Variants in CIMIP1 observed in about 807,000 individuals in gnomAD.
CIMIP1 encodes the protein ciliary microtubule inner protein 1.
the CIMIP1 span, among the ~76,000 whole-genome samples, chr20:58,157,291 T>C: frequency 3.3e-3 from 503 of 152,232 alleles, 5 homozygotes; most frequent in African/African-American, 0.011. Flanking sequence ...GATATTATCA[T>C]CCTCAAACCC....
the CIMIP1 span, among the ~76,000 whole-genome samples, chr20:58,159,042 AT>A: frequency 6.6e-6 from 1 of 152,216 alleles, no homozygotes; most frequent in East Asian, 1.9e-4. Flanking sequence ...CTTATGTCCA[AT>A]TGTTTGCTAT....
the CIMIP1 span, among the ~76,000 whole-genome samples, chr20:58,156,211 A>T: frequency 6.6e-6 from 1 of 152,230 alleles, no homozygotes; most frequent in South Asian, 2.1e-4. Context: ...CCATTTGGAT[A>T]CGCTATGCTA....
At chr20:58,152,748 C>CTGTCACCT in the CIMIP1 span, among the ~76,000 whole-genome samples, 1 of 136,672 alleles carries the variant, frequency 7.3e-6, no homozygotes, top group East Asian at 2.2e-4. Context: ...AAAAAAAAGA[C>CTGTCACCT]TGTCACCTGT....
the CIMIP1 span, among the ~76,000 whole-genome samples, chr20:58,152,722 C>A: frequency 6.1e-4 from 52 of 84,852 alleles, no homozygotes; most frequent in South Asian, 1.9e-3. Flanking sequence ...GAAACTCCAT[C>A]AAAAAAAAAA....
chr20:58,160,839 G>C, the CIMIP1 span: 1 of 1,602,830 alleles, frequency 6.2e-7, no homozygotes, highest in Non-Finnish European at 8.5e-7. Context: ...ACGGAGTTCT[G>C]CCCAGGGGTG....
At chr20:58,153,197 C>A in the CIMIP1 span, among the ~76,000 whole-genome samples, 3 of 152,154 alleles carry the variant, frequency 2.0e-5, no homozygotes, top group Non-Finnish European at 2.9e-5. Context: ...GGAGTGAGTG[C>A]CTCCTCCACT....
At chr20:58,150,915 C>G in the CIMIP1 span, 1 of 1,553,636 alleles carries the variant, frequency 6.4e-7, no homozygotes, top group Non-Finnish European at 8.7e-7. Context: ...AGACGCGAGA[C>G]GCTGAGCCCA....
chr20:58,159,319 C>G, the CIMIP1 span, among the ~76,000 whole-genome samples: 1 of 150,856 alleles, frequency 6.6e-6, no homozygotes, highest in Non-Finnish European at 1.5e-5. Context: ...AGTTCGAGAC[C>G]AGCCTGACCA....
the CIMIP1 span, chr20:58,160,521 T>G: frequency 1.3e-6 from 1 of 764,766 alleles, no homozygotes; most frequent in Non-Finnish European, 2.0e-6. Context: ...TCCAGCTGAT[T>G]GGAATGTGCT....
At chr20:58,152,455 T>G in the CIMIP1 span, among the ~76,000 whole-genome samples, 1 of 151,546 alleles carries the variant, frequency 6.6e-6, no homozygotes, top group Admixed American at 6.6e-5. Context: ...TTTAAGTGAC[T>G]GTCAGCCGGA....
At chr20:58,160,037 C>G in the CIMIP1 span, among the ~76,000 whole-genome samples, 1 of 152,198 alleles carries the variant, frequency 6.6e-6, no homozygotes, top group Non-Finnish European at 1.5e-5. Context: ...TGTTCAAATC[C>G]CCTTATGCAG....
the CIMIP1 span, among the ~76,000 whole-genome samples, chr20:58,160,053 A>C: frequency 2.0e-5 from 3 of 152,258 alleles, no homozygotes; most frequent in Non-Finnish European, 2.9e-5. Context: ...TGCAGAACAG[A>C]TTATTTCAAA....
At chr20:58,154,491 C>T in the CIMIP1 span, among the ~76,000 whole-genome samples, 1 of 152,228 alleles carries the variant, frequency 6.6e-6, no homozygotes, top group Non-Finnish European at 1.5e-5. Flanking sequence ...TAAAACACCA[C>T]ATCAGTCAAA....
At chr20:58,156,633 T>G in the CIMIP1 span, among the ~76,000 whole-genome samples, 13 of 152,142 alleles carry the variant, frequency 8.5e-5, no homozygotes, top group African/African-American at 2.9e-4. Flanking sequence ...GAAAAGATTG[T>G]GGGGAGAGGG....
At chr20:58,160,703 A>C in the CIMIP1 span, 2 of 1,614,012 alleles carry the variant, frequency 1.2e-6, no homozygotes, top group Non-Finnish European at 8.5e-7. Context: ...CCAGGGCTTC[A>C]TCGGCTGGAG....
the CIMIP1 span, among the ~76,000 whole-genome samples, chr20:58,156,554 A>G: frequency 6.6e-6 from 1 of 152,006 alleles, no homozygotes; most frequent in Non-Finnish European, 1.5e-5. Context: ...AAGCCGCTGG[A>G]GGGTTGTAAG....
At chr20:58,158,426 G>A in the CIMIP1 span, among the ~76,000 whole-genome samples, 4 of 152,194 alleles carry the variant, frequency 2.6e-5, no homozygotes, top group Admixed American at 1.3e-4. Flanking sequence ...CGAGACAGGC[G>A]GATCACGAGG....
At chr20:58,152,722 C>CAAAAAA in the CIMIP1 span, among the ~76,000 whole-genome samples, 1 of 84,888 alleles carries the variant, frequency 1.2e-5, no homozygotes, top group African/African-American at 4.2e-5. Flanking sequence ...GAAACTCCAT[C>CAAAAAA]AAAAAAAAAA....
the CIMIP1 span, among the ~76,000 whole-genome samples, chr20:58,155,240 C>A: frequency 6.6e-6 from 1 of 152,230 alleles, no homozygotes; most frequent in Non-Finnish European, 1.5e-5. Context: ...GTGCAGCAGG[C>A]CTGCGTTGAG....
Sources: gnomAD v4.1 joint callset for allele counts (sites outside exome capture counted in the v4.1 genomes callset) on GRCh38, gnomAD v4.1.1 for gene constraint, MANE v1.5 for transcripts, NCBI Gene and HGNC (gene_info 2026-07-23, HGNC 2026-07-21) for gene names.